CHST8: variants seen among roughly 807,000 people sequenced by gnomAD.
The protein encoded by CHST8 is GALNAC-4-ST1.
CHST8 carries 10 observed loss-of-function variants against 15.0 expected under a neutral mutation model. That is an observed-to-expected ratio of 0.67 (90% CI 0.41 to 1.13). The LOEUF (loss-of-function observed/expected upper bound fraction) is 1.13. Ranked by LOEUF, CHST8 falls within the 50% of genes most tolerant of loss-of-function variation. The pLI is 0.00. For missense variants in CHST8, 634 were observed against 608.2 expected (o/e 1.04, Z -0.45); for synonymous variants, 259 against 256.6 (o/e 1.01, Z -0.09).
intron 4 of CHST8, 24 bp from the exon 5 acceptor site, chr19:33,771,933 T>G: frequency 6.5e-7 from 1 of 1,532,662 alleles, no homozygotes. Flanking sequence ...TCCACTCAGA[T>G]AACCACTTCT....
chr19:33,688,503 C>T (rs1452433228), intron 2 of CHST8, among the ~76,000 whole-genome samples: 1 of 152,184 alleles, frequency 6.6e-6, no homozygotes, highest in African/African-American at 2.4e-5. Flanking sequence ...GCCTCGAGCA[C>T]AGGGACTCCA....
At chr19:33,687,599 C>T (rs974666654) in intron 2 of CHST8, among the ~76,000 whole-genome samples, 3 of 152,106 alleles carry the variant, frequency 2.0e-5, no homozygotes, top group Non-Finnish European at 4.4e-5. Flanking sequence ...GGTGCCTTCC[C>T]GGTGCGGAGA....
chr19:33,740,990 G>A (rs1039145011), intron 3 of CHST8, among the ~76,000 whole-genome samples: 2 of 152,190 alleles, frequency 1.3e-5, no homozygotes, highest in African/African-American at 4.8e-5. Flanking sequence ...GTATCATTGG[G>A]AGCTGTCCGT....
chr19:33,755,066 A>T (rs930173735), intron 3 of CHST8, among the ~76,000 whole-genome samples: 3 of 152,154 alleles, frequency 2.0e-5, no homozygotes, highest in African/African-American at 7.2e-5. Flanking sequence ...GCTGGAAATG[A>T]CATTCTCAGG....
intron 3 of CHST8, among the ~76,000 whole-genome samples, chr19:33,723,395 G>A (rs1246146562): frequency 6.6e-6 from 1 of 152,206 alleles, no homozygotes; most frequent in African/African-American, 2.4e-5. Flanking sequence ...TGTGTGAGGG[G>A]CCTGTGTTCA....
intron 3 of CHST8, among the ~76,000 whole-genome samples, chr19:33,764,214 G>C (rs1325328295): frequency 6.6e-6 from 1 of 152,192 alleles, no homozygotes; most frequent in African/African-American, 2.4e-5. Context: ...GAATGACACA[G>C]ATGGACATGA....
chr19:33,628,720 C>T (rs1004818110), intron 1 of CHST8, among the ~76,000 whole-genome samples: 3 of 152,212 alleles, frequency 2.0e-5, no homozygotes, highest in Non-Finnish European at 2.9e-5. Context: ...GATCTCAGCA[C>T]ACCATTCACG....
intron 2 of CHST8, among the ~76,000 whole-genome samples, chr19:33,681,891 A>C (rs1287188607): frequency 7.4e-6 from 1 of 135,444 alleles, no homozygotes; most frequent in Non-Finnish European, 1.6e-5. Flanking sequence ...TTTTTAACGG[A>C]GTTTCGCTCT....
chr19:33,741,450 C>T (rs992952055), intron 3 of CHST8, among the ~76,000 whole-genome samples: 5 of 152,348 alleles, frequency 3.3e-5, no homozygotes, highest in African/African-American at 1.2e-4. Context: ...TCCTTTTTGA[C>T]AGGGATGGAA....
At chr19:33,685,267 AC>A (rs1555715217) in intron 2 of CHST8, 1 of 152,148 alleles carries the variant, frequency 6.6e-6, no homozygotes, top group Non-Finnish European at 1.5e-5. Flanking sequence ...TCAAAGAGAC[AC>A]ATTTTTAAAT....
At chr19:33,745,594 G>A (rs1286327362) in intron 3 of CHST8, among the ~76,000 whole-genome samples, 1 of 152,232 alleles carries the variant, frequency 6.6e-6, no homozygotes, top group African/African-American at 2.4e-5. Context: ...TGAATTGCAC[G>A]GGGCTGGGAG....
Position 33,639,548 on chromosome 19 carries a change from G to A in CHST8, c.-164+17252G>A, listed in dbSNP as rs148775076. ...AGGATTAATGGTAAGGTCATGGAACGAGGAGATGGCAGACAACCTCAAATC... is the reference window on the plus strand; with the variant it reads ...AGGATTAATGGTAAGGTCATGGAACAAGGAGATGGCAGACAACCTCAAATC... On this transcript the variant is annotated intron_variant, in intron 1 of 4. Coordinates refer to ENST00000650847, the MANE Select transcript of CHST8 (RefSeq NM_001127895.2). 1.1e-3 allele frequency among the ~76,000 whole-genome samples: 166 copies of A among 152,314 alleles called. 1 individual carries two copies. Among genetic ancestry groups the A allele is most frequent in the African/African-American group, 3.7e-3 (154 of 41,572 alleles).
At chr19:33,635,978 C>T (rs931047224) in intron 1 of CHST8, among the ~76,000 whole-genome samples, 3 of 149,870 alleles carry the variant, frequency 2.0e-5, no homozygotes, top group African/African-American at 7.4e-5. Flanking sequence ...CGCGCAAAGA[C>T]GGAAGAGCTA....
intron 1 of CHST8, among the ~76,000 whole-genome samples, chr19:33,641,631 C>T (rs1352191804): frequency 1.3e-5 from 2 of 152,030 alleles, no homozygotes; most frequent in African/African-American, 2.4e-5. Flanking sequence ...GGAGAAGGAG[C>T]CTCAGATAGC....
intron 3 of CHST8, among the ~76,000 whole-genome samples, chr19:33,763,998 C>A (rs1451018675): frequency 2.0e-5 from 3 of 152,248 alleles, no homozygotes; most frequent in Admixed American, 6.5e-5. Flanking sequence ...GGTGGACAGA[C>A]TCCTCCAGTG....
Position 33,772,281 on chromosome 19 carries a change from G to T in CHST8, c.493G>T (p.Ala165Ser). Residue 165 changes from alanine (A) to serine (S), a missense_variant, in exon 5 of 5, where the codon GCC becomes TCC. Physicochemically the swap from Ala to Ser is moderately conservative, Grantham distance 99. Transcript: ENST00000650847. ...ERKRVMQEAC[A>S]KYRASSSRRA... ...CAAGCGGGTGATGCAGGAGGCCTGC[G>T]CCAAGTACCGGGCGAGCAGCAGCCG... 4 of 1,601,656 alleles carry T rather than the reference G, an allele frequency of 2.5e-6. No homozygotes were observed. The highest frequency in any genetic ancestry group is 1.1e-5 in the South Asian group (1 of 90,910).
chr19:33,738,591 TC>T (rs1974126457), intron 3 of CHST8, among the ~76,000 whole-genome samples: 1 of 147,328 alleles, frequency 6.8e-6, no homozygotes, highest in Non-Finnish European at 1.5e-5. Context: ...GCAAGTTTTT[TC>T]TTTTTTTCTT....
At chr19:33,671,740 G>C (rs1972741720) in intron 2 of CHST8, among the ~76,000 whole-genome samples, 1 of 151,812 alleles carries the variant, frequency 6.6e-6, no homozygotes, top group African/African-American at 2.4e-5. Context: ...TCTGTCCTTA[G>C]TATTTCTCAC....
At chr19:33,681,400 C>T (rs1391350971) in intron 2 of CHST8, among the ~76,000 whole-genome samples, 1 of 152,228 alleles carries the variant, frequency 6.6e-6, no homozygotes, top group Non-Finnish European at 1.5e-5. Flanking sequence ...CTTGGCTGGG[C>T]TCATGTGGGC....
Sources: allele counts gnomAD v4.1 joint callset (sites outside exome capture counted in the v4.1 genomes callset), GRCh38; gene constraint gnomAD v4.1.1; transcripts MANE v1.5; gene names NCBI Gene and HGNC (gene_info 2026-07-23, HGNC 2026-07-21).